PHEX: variants seen among roughly 807,000 people sequenced by gnomAD.
The protein encoded by PHEX is phosphate-regulating neutral endopeptidase PHEX.
PHEX carries 16 observed loss-of-function variants against 68.0 expected under a neutral mutation model. The ratio of observed to expected loss-of-function variants is 0.24; its 90% CI spans 0.16 to 0.36. The LOEUF (loss-of-function observed/expected upper bound fraction) is 0.36, where lower values mean the gene tolerates loss of function less well. PHEX is among the 10% of genes least tolerant of loss of function. The probability of loss-of-function intolerance (pLI) is 1.00; values close to 1 mark genes in which losing one functional copy is unlikely to be tolerated. For synonymous variants in PHEX, 208 were observed against 205.1 expected (o/e 1.01, Z -0.12); for missense variants, 480 against 575.5 (o/e 0.83, Z 1.70).
intron 5 of PHEX, among the ~76,000 whole-genome samples, chrX:22,088,641 A>C (rs1929723271): frequency 9.0e-6 from 1 of 111,191 alleles, no homozygotes; most frequent in Admixed American, 9.6e-5. Context: ...CTCAATTTTA[A>C]ATTGAGTTGT....
intron 12 of PHEX, among the ~76,000 whole-genome samples, chrX:22,137,345 T>C (rs1193939367): frequency 8.9e-6 from 1 of 112,067 alleles, no homozygotes; most frequent in Non-Finnish European, 1.9e-5. Flanking sequence ...AGGATGGGAC[T>C]CACAGGGAGG....
intron 7 of PHEX, among the ~76,000 whole-genome samples, chrX:22,095,491 G>A (rs1206217436): frequency 8.9e-6 from 1 of 112,472 alleles, no homozygotes; most frequent in Non-Finnish European, 1.9e-5. Flanking sequence ...GAGGGGAGTG[G>A]CTGGCAGAGA....
chrX:22,247,150 A>C (rs1448115445), intron 21 of PHEX, among the ~76,000 whole-genome samples: 1 of 112,418 alleles, frequency 8.9e-6, no homozygotes, highest in Non-Finnish European at 1.9e-5. Flanking sequence ...CCATTCATTA[A>C]TTGACTGATT....
At chrX:22,098,445 G>A (rs1235422374) in intron 8 of PHEX, among the ~76,000 whole-genome samples, 1 of 107,710 alleles carries the variant, frequency 9.3e-6, no homozygotes, top group Non-Finnish European at 1.9e-5. Context: ...GTGTGTGGGT[G>A]TCGTCCAGAT....
chrX:22,046,468 C>T (rs7890357), intron 2 of PHEX, among the ~76,000 whole-genome samples: 2,922 of 110,722 alleles, frequency 0.026, 96 homozygotes, highest in African/African-American at 0.09. Context: ...ATTGACCACA[C>T]GCTCTATTTG....
At chrX:22,195,950 G>T (rs1934354223) in intron 15 of PHEX, among the ~76,000 whole-genome samples, 2 of 111,764 alleles carry the variant, frequency 1.8e-5, no homozygotes, top group South Asian at 7.6e-4. Context: ...GCCAGGGTGG[G>T]AGGATTGCTT....
intron 20 of PHEX, among the ~76,000 whole-genome samples, chrX:22,238,946 T>TG (rs753280681): frequency 9.0e-6 from 1 of 111,512 alleles, no homozygotes; most frequent in East Asian, 2.8e-4. Flanking sequence ...TACCTCCCAG[T>TG]AAGGGCTGAC....
intron 3 of PHEX, among the ~76,000 whole-genome samples, chrX:22,072,503 A>G (rs1033855095): frequency 1.8e-5 from 2 of 112,392 alleles, no homozygotes; most frequent in African/African-American, 6.5e-5. Flanking sequence ...TATGGTAACC[A>G]TGGAGGAGAA....
intron 10 of PHEX, among the ~76,000 whole-genome samples, chrX:22,113,005 T>TTGTG (rs560422828): frequency 0.021 from 1,891 of 88,509 alleles, 7 homozygotes; most frequent in Middle Eastern, 0.035. Context: ...CAAGTAGGTT[T>TTGTG]TGTGTGTGTG....
At chrX:22,074,933 C>T (rs746876340) in intron 3 of PHEX, among the ~76,000 whole-genome samples, 65 of 109,717 alleles carry the variant, frequency 5.9e-4, no homozygotes, top group African/African-American at 1.8e-3. Flanking sequence ...AAAAATTAGC[C>T]GAGTGTGGTG....
In PHEX at chrX:22,133,585, G is replaced by A; in HGVS notation, c.1365G>A (p.Glu455=). 1 of 1,208,552 alleles carries A rather than the reference G, an allele frequency of 8.3e-7. No individual in the cohort carries two copies. The highest frequency in any genetic ancestry group is 1.1e-6 in the Non-Finnish European group (1 of 892,786). The change falls in exon 12 of 22, where the codon GAG becomes GAA. Residue 455 remains glutamate (E), a synonymous_variant. Transcript: ENST00000379374. ...AFIDMLEKEN[E]WMDAGTKRKA... is the part of the protein sequence containing the mutation. Reference sequence around the variant, plus strand: ...TTGACATGCTAGAGAAAGAAAATGAGTGGATGGATGCAGGAACGAAAAGGA... The same window carrying A: ...TTGACATGCTAGAGAAAGAAAATGAATGGATGGATGCAGGAACGAAAAGGA...
At chrX:22,090,847 A>G (rs148019000) in intron 6 of PHEX, among the ~76,000 whole-genome samples, 2,017 of 112,073 alleles carry the variant, frequency 0.018, 29 homozygotes, top group Middle Eastern at 0.032. Flanking sequence ...CCCAGGAGAC[A>G]GATGGTTCCC....
At chrX:22,097,073 C>T in intron 8 of PHEX, 35 bp downstream of exon 8, 1 of 968,772 alleles carries the variant, frequency 1.0e-6, no homozygotes, top group Non-Finnish European at 1.5e-6. Flanking sequence ...TTTCTCTCAA[C>T]TCATCATTTT....
chrX:22,241,212 T>C (rs1936180042), intron 20 of PHEX, among the ~76,000 whole-genome samples: 1 of 112,145 alleles, frequency 8.9e-6, no homozygotes, highest in Non-Finnish European at 1.9e-5. Context: ...GAAATAAAGA[T>C]GTTCTTTGAA....
chrX:22,230,218 C>G (rs750395626), intron 20 of PHEX, among the ~76,000 whole-genome samples: 59 of 43,370 alleles, frequency 1.4e-3, no homozygotes, highest in African/African-American at 5.2e-3. Flanking sequence ...ATTGTTTTGG[C>G]TATATGGGCT....
At chrX:22,237,515 T>G (rs56296011) in intron 20 of PHEX, among the ~76,000 whole-genome samples, 37,869 of 110,710 alleles carry the variant, frequency 0.34, 4,919 homozygotes, top group Middle Eastern at 0.41. Context: ...AGAACCTTCC[T>G]GGTATCTATA....
intron 12 of PHEX, among the ~76,000 whole-genome samples, chrX:22,137,392 C>G (rs1015700172): frequency 8.9e-6 from 1 of 111,892 alleles, no homozygotes; most frequent in Non-Finnish European, 1.9e-5. Flanking sequence ...GTGGCCTTAA[C>G]CTTGGCCACA....
intron 12 of PHEX, among the ~76,000 whole-genome samples, chrX:22,159,718 T>C (rs953612343): frequency 1.8e-5 from 2 of 112,310 alleles, no homozygotes; most frequent in African/African-American, 6.5e-5. Flanking sequence ...GCAGAGGCCA[T>C]ATGGATTGCA....
At position 22,033,069 on chromosome X, in the gene PHEX, G is replaced by T. The variant is rs773927462; in HGVS notation, c.64G>T (p.Ala22Ser). ...GKKANRGTRI[A>S]LVVFVGGTLV... ...GAAGGCCAACAGAGGCACTCGAATT[G>T]CCCTGGTCGTGTTTGTCGGTGGCAC... Residue 22 changes from alanine to serine, a missense_variant, in exon 1 of 22, where the codon GCC becomes TCC. Physicochemically the swap from Ala to Ser is moderately conservative, Grantham distance 99. Coordinates refer to ENST00000379374, the MANE Select transcript of PHEX (RefSeq NM_000444.6). 2.4e-5 allele frequency: 29 copies of T among 1,210,682 alleles called. No homozygotes were observed. The East Asian group carries it at 8.6e-4, about 36-fold the overall frequency.
Sources: gnomAD v4.1 joint callset for allele counts (sites outside exome capture counted in the v4.1 genomes callset) on GRCh38, gnomAD v4.1.1 for gene constraint, MANE v1.5 for transcripts, NCBI Gene and HGNC (gene_info 2026-07-23, HGNC 2026-07-21) for gene names.